The following CLSTN2 variants were observed in gnomAD, a reference collection of about 807,000 sequenced individuals.
CLSTN2 encodes the protein calsyntenin-2.
Under a neutral mutation model 101.2 loss-of-function variants are expected in CLSTN2, and 48 were observed. The ratio of observed to expected loss-of-function variants is 0.47; its 90% CI spans 0.38 to 0.60. The LOEUF (loss-of-function observed/expected upper bound fraction) is 0.60. CLSTN2 is among the 20% of genes least tolerant of loss of function. The probability of loss-of-function intolerance (pLI) is 0.00; values close to 1 mark genes in which losing one functional copy is unlikely to be tolerated. For synonymous variants in CLSTN2, 481 were observed against 463.6 expected, an observed-to-expected ratio of 1.04 and a Z score of -0.48; for missense variants, 1,160 against 1,238.2, an observed-to-expected ratio of 0.94 and a Z score of 0.95.
At chr3:140,360,762 A>C (rs1051211004) in intron 2 of CLSTN2, among the ~76,000 whole-genome samples, 72 of 152,372 alleles carry the variant, frequency 4.7e-4, no homozygotes, top group Admixed American at 2.8e-3. Context: ...ATGAAATGGA[A>C]AAAAGTCGAA....
chr3:140,576,413 G>A lies in CLSTN2; in HGVS notation c.*10160G>A, dbSNP rs1202415004. On this transcript the variant is annotated 3_prime_UTR_variant, in exon 17 of 17. Coordinates refer to ENST00000458420, the MANE Select transcript of CLSTN2 (RefSeq NM_022131.3). ...AATGCTATTGAATTTTTCACCTCCA[G>A]GCATGATTTTGTAACCAATGTAAAG... 1 of 152,152 alleles carries A rather than the reference G, an allele frequency of 6.6e-6. No homozygotes were observed. Among genetic ancestry groups the A allele is most frequent in the African/African-American group, 2.4e-5 (1 of 41,414 alleles). 9.4% of individuals were successfully genotyped at this position (152,152 alleles called of 1,614,324 possible).
At chr3:140,553,974 T>C (rs1285019336) in intron 10 of CLSTN2, among the ~76,000 whole-genome samples, 2 of 149,986 alleles carry the variant, frequency 1.3e-5, no homozygotes, top group Non-Finnish European at 3.0e-5. Context: ...AAATGTAGGC[T>C]CGAGAGCCTT....
At chr3:140,359,566 A>C (rs904898102) in intron 2 of CLSTN2, among the ~76,000 whole-genome samples, 7 of 152,208 alleles carry the variant, frequency 4.6e-5, no homozygotes, top group Non-Finnish European at 1.0e-4. Flanking sequence ...TTAATGGCAT[A>C]ATTACTCCTG....
intron 16 of CLSTN2, among the ~76,000 whole-genome samples, chr3:140,565,388 G>T (rs1936006328): frequency 6.6e-6 from 1 of 151,920 alleles, no homozygotes; most frequent in African/African-American, 2.4e-5. Context: ...TTTATGACCT[G>T]GTTCATCAAT....
chr3:140,248,395 G>A (rs1177096984), intron 2 of CLSTN2, among the ~76,000 whole-genome samples: 2 of 152,200 alleles, frequency 1.3e-5, no homozygotes, highest in African/African-American at 4.8e-5. Context: ...AAAGGAGAAA[G>A]TGGCAGCAGT....
At chr3:140,379,398 A>G (rs965484477) in intron 2 of CLSTN2, among the ~76,000 whole-genome samples, 1 of 152,180 alleles carries the variant, frequency 6.6e-6, no homozygotes, top group Non-Finnish European at 1.5e-5. Context: ...GAAGGAGGAG[A>G]CAGTGACTCT....
At chr3:140,127,434 AT>A (rs2009453546) in intron 1 of CLSTN2, among the ~76,000 whole-genome samples, 1 of 152,194 alleles carries the variant, frequency 6.6e-6, no homozygotes, top group African/African-American at 2.4e-5. Context: ...TTTAACTATG[AT>A]TACTAATATG....
chr3:140,565,490 G>A (rs1167141556), intron 16 of CLSTN2, among the ~76,000 whole-genome samples: 3 of 152,196 alleles, frequency 2.0e-5, no homozygotes, highest in Non-Finnish European at 2.9e-5. Flanking sequence ...GGTACAGCCT[G>A]AGGACACAAG....
chr3:139,937,586 A>AAT (rs996343496), intron 1 of CLSTN2, among the ~76,000 whole-genome samples: 1 of 151,572 alleles, frequency 6.6e-6, no homozygotes, highest in Non-Finnish European at 1.5e-5. Context: ...AAAAAAAAAA[A>AAT]AAAAAAAATT....
chr3:140,368,705 G>C (rs1352363822), intron 2 of CLSTN2, among the ~76,000 whole-genome samples: 2 of 152,160 alleles, frequency 1.3e-5, no homozygotes, highest in Non-Finnish European at 2.9e-5. Flanking sequence ...CCCACCACCT[G>C]TGCAAAGACT....
chr3:139,949,784 G>A (rs1407078981), intron 1 of CLSTN2, among the ~76,000 whole-genome samples: 2 of 152,206 alleles, frequency 1.3e-5, no homozygotes, highest in Admixed American at 6.5e-5. Flanking sequence ...GCTGCTGCAG[G>A]TGGATCTGAC....
intron 2 of CLSTN2, 73 bp from the exon 3 acceptor site, chr3:140,403,555 TG>T: frequency 7.9e-7 from 1 of 1,260,740 alleles, no homozygotes; most frequent in Non-Finnish European, 1.1e-6. Context: ...TTTGTGAATC[TG>T]GTCCAATGGA....
rs189133427 is a variant in CLSTN2 at position 139,975,768 on chromosome 3, C to T, written c.109+40285C>T. On this transcript the variant is annotated intron_variant, in intron 1 of 16. Coordinates refer to ENST00000458420, the MANE Select transcript of CLSTN2 (RefSeq NM_022131.3). ...CAGTGAATGAGTGAATGGACAATTT[C>T]CCCACCACCTCTCTGCAGTGAATGG... Among the ~76,000 whole-genome samples, 720 of 145,358 alleles carry T rather than the reference C, an allele frequency of 5.0e-3. 3 individuals are homozygous for T. Among genetic ancestry groups the T allele is most frequent in the Middle Eastern group, 0.038 (11 of 292 alleles).
At chr3:140,220,933 T>TGTTTAATTCTGCA (rs2086266477) in intron 2 of CLSTN2, among the ~76,000 whole-genome samples, 1 of 152,234 alleles carries the variant, frequency 6.6e-6, no homozygotes, top group African/African-American at 2.4e-5. Flanking sequence ...CATTGTTATC[T>TGTTTAATTCTGCA]GTATTAATAT....
Position 140,258,279 on chromosome 3 carries a change from C to T in CLSTN2, c.232+82206C>T, listed in dbSNP as rs528802331. Among the ~76,000 whole-genome samples the T allele has an allele frequency of 8.5e-5, 13 of 152,240 alleles. No individual in the cohort carries two copies. In the South Asian group the frequency reaches 1.0e-3, roughly 12 times the overall value. Reference sequence around the variant, plus strand: ...TCTTCCAATTTGCTAATTCCAGATGCGCATTGACTTTCTTAGAGACATATG... The same window carrying T: ...TCTTCCAATTTGCTAATTCCAGATGTGCATTGACTTTCTTAGAGACATATG... On this transcript the variant is annotated intron_variant, in intron 2 of 16. Transcript: ENST00000458420.
intron 1 of CLSTN2, among the ~76,000 whole-genome samples, chr3:140,104,658 T>C (rs2009022549): frequency 6.6e-6 from 1 of 152,204 alleles, no homozygotes; most frequent in Admixed American, 6.5e-5. Context: ...GAGAAAGTGT[T>C]GCTGACAAAT....
chr3:140,570,442 T>C lies in CLSTN2; in HGVS notation c.*4189T>C, dbSNP rs981509917. On this transcript the variant is annotated 3_prime_UTR_variant, in exon 17 of 17. Transcript: ENST00000458420. ...AACACAGGAAGTTGTGCATAGGCTATATGCAAATACTATGCATTTTATATA... is the reference window on the plus strand; with the variant it reads ...AACACAGGAAGTTGTGCATAGGCTACATGCAAATACTATGCATTTTATATA... The C allele has an allele frequency of 3.9e-5, 6 of 152,364 alleles. No homozygotes were observed. Among genetic ancestry groups the C allele is most frequent in the African/African-American group, 1.4e-4 (6 of 41,590 alleles). The allele number at this position is 152,364 out of a possible 1,614,324, so 9.4% of individuals were successfully genotyped here.
intron 2 of CLSTN2, among the ~76,000 whole-genome samples, chr3:140,203,868 C>A (rs181092895): frequency 1.3e-5 from 2 of 152,222 alleles, no homozygotes; most frequent in East Asian, 1.9e-4. Context: ...AGAAAATAAC[C>A]CGCAAGATTC....
At chr3:140,137,013 T>C (rs2009625490) in intron 1 of CLSTN2, among the ~76,000 whole-genome samples, 1 of 152,232 alleles carries the variant, frequency 6.6e-6, no homozygotes, top group Non-Finnish European at 1.5e-5. Flanking sequence ...CTGCTGCCTC[T>C]AGATTATATT....
Sources: gnomAD v4.1 joint callset for allele counts (sites outside exome capture counted in the v4.1 genomes callset) on GRCh38, gnomAD v4.1.1 for gene constraint, MANE v1.5 for transcripts, NCBI Gene and HGNC (gene_info 2026-07-23, HGNC 2026-07-21) for gene names.